The following GRM5 variants were observed in gnomAD, a reference collection of about 807,000 sequenced individuals.
The protein encoded by GRM5 is glutamate metabotropic receptor 5, also known as metabotropic glutamate receptor 5.
In GRM5, 19 loss-of-function variants were observed where a neutral mutation model predicts 83.1. That is an observed-to-expected ratio of 0.23 (90% CI 0.16 to 0.34). The LOEUF (loss-of-function observed/expected upper bound fraction) is 0.34. Among genes scored for constraint, GRM5 ranks in the 10% least tolerant of loss-of-function variants. The pLI is 1.00. For synonymous variants in GRM5, 675 were observed against 633.6 expected (o/e 1.07, Z -0.98); for missense variants, 1,160 against 1,588.3 (o/e 0.73, Z 4.58).
chr11:88,574,401 C>A (rs990949795), intron 7 of GRM5, among the ~76,000 whole-genome samples: 4 of 151,848 alleles, frequency 2.6e-5, no homozygotes, highest in Admixed American at 2.6e-4. Context: ...TTTCTGGAAC[C>A]CAAAGAGGGC....
In GRM5 at chr11:89,025,652, T is replaced by G. The variant is rs535802450; in HGVS notation, c.661+21560A>C. On this transcript the variant is annotated intron_variant, in intron 2 of 9. Transcript: ENST00000305447. ...AATATGATTTAATAAAATATAAAGA[T>G]AGAGAGGGAAGGAGGAAAAGAAATG... Among the ~76,000 whole-genome samples, 5 of 152,116 alleles carry G rather than the reference T, an allele frequency of 3.3e-5. No homozygotes were observed. In the South Asian group the frequency reaches 6.2e-4, roughly 19 times the overall value.
At chr11:88,923,369 A>C (rs905081427) in intron 2 of GRM5, among the ~76,000 whole-genome samples, 1 of 152,192 alleles carries the variant, frequency 6.6e-6, no homozygotes, top group African/African-American at 2.4e-5. Context: ...CTATTCAGGC[A>C]TAAAAAAATG....
chr11:88,864,877 G>A (rs1033920495), intron 2 of GRM5, among the ~76,000 whole-genome samples: 8 of 151,938 alleles, frequency 5.3e-5, no homozygotes, highest in Non-Finnish European at 7.4e-5. Context: ...TAGCGTAAAG[G>A]GGTGTTGAAT....
At chr11:88,852,118 A>G (rs1399280133) in intron 2 of GRM5, among the ~76,000 whole-genome samples, 3 of 152,212 alleles carry the variant, frequency 2.0e-5, no homozygotes, top group Non-Finnish European at 4.4e-5. Flanking sequence ...AGAATTTCAC[A>G]TCATTTATTT....
At chr11:88,550,657 G>GT (rs1942486874) in intron 8 of GRM5, among the ~76,000 whole-genome samples, 1 of 151,086 alleles carries the variant, frequency 6.6e-6, no homozygotes, top group Non-Finnish European at 1.5e-5. Flanking sequence ...TGATAAGGGA[G>GT]TGGGGGGGAT....
At chr11:88,716,713 G>GTCTCA (rs1941408597) in intron 3 of GRM5, among the ~76,000 whole-genome samples, 2 of 151,946 alleles carry the variant, frequency 1.3e-5, no homozygotes, top group South Asian at 4.1e-4. Flanking sequence ...GGTGACATTA[G>GTCTCA]TCTCATTTTC....
intron 2 of GRM5, among the ~76,000 whole-genome samples, chr11:88,936,032 T>C (rs1434828570): frequency 6.6e-6 from 1 of 151,860 alleles, no homozygotes; most frequent in Non-Finnish European, 1.5e-5. Context: ...CCACAGTTCA[T>C]TTTTCTAATT....
intron 1 of GRM5, among the ~76,000 whole-genome samples, chr11:89,050,032 T>C (rs188676715): frequency 7.2e-5 from 11 of 152,308 alleles, no homozygotes; most frequent in African/African-American, 2.2e-4. Context: ...TGTAAGAACA[T>C]CAAAGTGATA....
At chr11:88,529,505 A>G (rs1280667665) in intron 8 of GRM5, among the ~76,000 whole-genome samples, 1 of 151,888 alleles carries the variant, frequency 6.6e-6, no homozygotes, top group Non-Finnish European at 1.5e-5. Flanking sequence ...TTTTTATTGT[A>G]AGAAGTATAA....
chr11:88,612,738 A>T (rs1183292867), intron 4 of GRM5: 1 of 151,960 alleles, frequency 6.6e-6, no homozygotes, highest in Non-Finnish European at 1.5e-5. Flanking sequence ...GCATTTCTTC[A>T]TGTGTTTTTT....
intron 2 of GRM5, among the ~76,000 whole-genome samples, chr11:89,037,329 A>G (rs1941414255): frequency 1.3e-5 from 2 of 152,236 alleles, no homozygotes; most frequent in Admixed American, 6.5e-5. Context: ...AACTAGGACT[A>G]GAAACTCGCC....
At chr11:88,991,384 C>T (rs1358211858) in intron 2 of GRM5, among the ~76,000 whole-genome samples, 1 of 151,914 alleles carries the variant, frequency 6.6e-6, no homozygotes, top group Non-Finnish European at 1.5e-5. Flanking sequence ...AATGGAATAA[C>T]ATTCCATGCT....
chr11:88,643,276 A>ACAG (rs1939347460), intron 4 of GRM5, among the ~76,000 whole-genome samples: 1 of 7,290 alleles, frequency 1.4e-4, no homozygotes. Context: ...GCCATGCTTT[A>ACAG]CAACTAGATC....
intron 8 of GRM5, among the ~76,000 whole-genome samples, chr11:88,555,174 A>G (rs566477886): frequency 1.3e-5 from 2 of 152,274 alleles, no homozygotes; most frequent in South Asian, 2.1e-4. Context: ...TATCTGACTC[A>G]TATCACTGGT....
intron 2 of GRM5, among the ~76,000 whole-genome samples, chr11:88,981,011 G>GA (rs5793377): frequency 0.43 from 64,052 of 148,568 alleles, 14,987 homozygotes; most frequent in South Asian, 0.63. Flanking sequence ...TCCCTAATCA[G>GA]AAAAAAAAAA....
At chr11:88,521,332 G>T (rs1036098370) in intron 9 of GRM5, among the ~76,000 whole-genome samples, 2 of 152,100 alleles carry the variant, frequency 1.3e-5, no homozygotes, top group Admixed American at 1.3e-4. Flanking sequence ...CAGGAGAATC[G>T]CTTGAACCTG....
intron 3 of GRM5, among the ~76,000 whole-genome samples, chr11:88,749,734 C>G (rs924485772): frequency 6.6e-6 from 1 of 152,166 alleles, no homozygotes; most frequent in African/African-American, 2.4e-5. Flanking sequence ...ATTAGACTAA[C>G]AGTGGACCTC....
At chr11:88,689,934 A>G (rs1940739663) in intron 3 of GRM5, among the ~76,000 whole-genome samples, 1 of 152,188 alleles carries the variant, frequency 6.6e-6, no homozygotes, top group African/African-American at 2.4e-5. Flanking sequence ...CCTTTATTGA[A>G]GAGATATATT....
chr11:89,046,058 T>C (rs147037342), intron 2 of GRM5, among the ~76,000 whole-genome samples: 96 of 152,292 alleles, frequency 6.3e-4, no homozygotes, highest in Middle Eastern at 3.4e-3. Flanking sequence ...TATGTAAGTA[T>C]TTGTGCATGC....
Sources: gnomAD v4.1 joint callset for allele counts (sites outside exome capture counted in the v4.1 genomes callset) on GRCh38, gnomAD v4.1.1 for gene constraint, MANE v1.5 for transcripts, NCBI Gene and HGNC (gene_info 2026-07-23, HGNC 2026-07-21) for gene names.